SLA2: variants seen among roughly 807,000 people sequenced by gnomAD.
The protein encoded by SLA2 is Src like adaptor 2.
In SLA2, 22 loss-of-function variants were observed where a neutral mutation model predicts 27.3. That is an observed-to-expected ratio of 0.81 (90% CI 0.58 to 1.15). The LOEUF (loss-of-function observed/expected upper bound fraction) is 1.15. Among genes scored for constraint, SLA2 ranks in the 50% most tolerant of loss-of-function variants. The probability of loss-of-function intolerance (pLI) is 0.00; values close to 1 mark genes in which losing one functional copy is unlikely to be tolerated. For synonymous variants in SLA2, 131 were observed against 137.8 expected, an observed-to-expected ratio of 0.95 and a Z score of 0.34; for missense variants, 304 against 322.2, an observed-to-expected ratio of 0.94 and a Z score of 0.43.
chr20:36,639,092 C>T (rs1489793620), intron 2 of SLA2, among the ~76,000 whole-genome samples: 2 of 152,038 alleles, frequency 1.3e-5, no homozygotes, highest in Admixed American at 1.3e-4. Flanking sequence ...GTGATCTGCC[C>T]GCCTCGGCCT....
chr20:36,630,422 A>G (rs1286403089), intron 5 of SLA2, among the ~76,000 whole-genome samples: 1 of 152,164 alleles, frequency 6.6e-6, no homozygotes. Flanking sequence ...GGTTCATATC[A>G]AGGCGGGCGC....
rs36100264 is a variant in SLA2, at chr20:36,637,624, CTTTTTTTTTTT to C, written c.92-3046_92-3036del. On this transcript the variant is annotated intron_variant, in intron 2 of 7. Coordinates refer to ENST00000262866, the MANE Select transcript of SLA2 (RefSeq NM_032214.4). The stretch of plus-strand genomic sequence containing the variant: ...ATAGGCTCATATTCTGTGAAGTTTG[CTTTTTTTTTTT>C]TTTTTTTTTTTGAGACAGTCCTGCT... 6.5e-4 allele frequency among the ~76,000 whole-genome samples: 53 copies of C among 80,970 alleles called. No homozygotes were observed. In the East Asian group the frequency reaches 0.021, roughly 32 times the overall value. 53.1% of individuals were successfully genotyped at this position (80,970 alleles called of 152,430 possible). A position where few individuals can be genotyped will look rare whatever the true frequency, so the allele number is the denominator to read the frequency against.
Position 36,634,427 on chromosome 20 carries a change from G to A in SLA2, c.191+63C>T, listed in dbSNP as rs1191820959. 13 of 1,263,660 alleles carry A rather than the reference G, an allele frequency of 1.0e-5. No homozygotes were observed. The South Asian group carries it at 1.2e-4, about 12-fold the overall frequency. 78.3% of individuals were successfully genotyped at this position (1,263,660 alleles called of 1,614,324 possible). A position where few individuals can be genotyped will look rare whatever the true frequency, so the allele number is the denominator to read the frequency against. On this transcript the variant is annotated intron_variant, in intron 3 of 7. Transcript: ENST00000262866. ...GCCTCCCAGACAGCTAGCGCTACAG[G>A]CACACACCACCATGCCTGGCTCTAT... is the stretch of plus-strand genomic sequence containing the variant.
chr20:36,625,726 C>G (rs1413279615), intron 5 of SLA2, among the ~76,000 whole-genome samples: 1 of 150,976 alleles, frequency 6.6e-6, no homozygotes, highest in Admixed American at 6.6e-5. Flanking sequence ...ACTCAAGAAG[C>G]TGAGGTGGGA....
chr20:36,638,201 T>A (rs568546162), intron 2 of SLA2, among the ~76,000 whole-genome samples: 2 of 152,158 alleles, frequency 1.3e-5, no homozygotes, highest in South Asian at 2.1e-4. Context: ...GCTTTTTTTT[T>A]AGTCAGCTCT....
chr20:36,614,591 A>C (rs1357050329), intron 6 of SLA2, 154 bp from the exon 7 acceptor site: 5 of 985,288 alleles, frequency 5.1e-6, no homozygotes, highest in Non-Finnish European at 6.0e-6. Flanking sequence ...TCATGGAGAC[A>C]GATGTAGTCA....
chr20:36,622,229 T>G (rs1319467257), intron 5 of SLA2, among the ~76,000 whole-genome samples: 1 of 144,388 alleles, frequency 6.9e-6, no homozygotes, highest in Non-Finnish European at 1.5e-5. Flanking sequence ...AAAAAAAAAT[T>G]AGCTGGGCAT....
intron 5 of SLA2, among the ~76,000 whole-genome samples, chr20:36,619,462 G>T (rs2039255616): frequency 6.6e-6 from 1 of 151,208 alleles, no homozygotes; most frequent in Non-Finnish European, 1.5e-5. Flanking sequence ...GGAGCAGGAG[G>T]TTGCAGTGAG....
intron 2 of SLA2, among the ~76,000 whole-genome samples, chr20:36,635,999 G>C (rs532695342): frequency 7.2e-5 from 11 of 152,278 alleles, no homozygotes; most frequent in African/African-American, 2.6e-4. Flanking sequence ...CCAAGTTCTA[G>C]TTGGTTACGG....
intron 5 of SLA2, chr20:36,620,440 G>T (rs531963697): frequency 8.9e-4 from 201 of 225,780 alleles, no homozygotes; most frequent in Non-Finnish European, 1.3e-3. Flanking sequence ...AGAGACCTCT[G>T]AAAAGTATGG....
intron 5 of SLA2, among the ~76,000 whole-genome samples, chr20:36,631,493 G>A (rs1233171019): frequency 6.6e-6 from 1 of 152,160 alleles, no homozygotes; most frequent in Non-Finnish European, 1.5e-5. Context: ...CTCTATTGCT[G>A]ATAGGCTCTC....
At chr20:36,636,623 A>AAAAAAAATAT (rs1387991352) in intron 2 of SLA2, among the ~76,000 whole-genome samples, 3 of 114,682 alleles carry the variant, frequency 2.6e-5, no homozygotes, top group African/African-American at 8.0e-5. Context: ...AAAAAAAAAA[A>AAAAAAAATAT]ATATATATAT....
intron 5 of SLA2, among the ~76,000 whole-genome samples, chr20:36,623,341 G>A (rs1431895907): frequency 1.3e-5 from 2 of 150,928 alleles, no homozygotes; most frequent in South Asian, 2.1e-4. Flanking sequence ...CTAAGATTGG[G>A]AACAAAGCAA....
At chr20:36,636,611 G>GAAAAAAA (rs1185102769) in intron 2 of SLA2, among the ~76,000 whole-genome samples, 16 of 73,992 alleles carry the variant, frequency 2.2e-4, no homozygotes, top group African/African-American at 6.7e-4. Flanking sequence ...ATCTCAAAAA[G>GAAAAAAA]AAAAAAAAAA....
chr20:36,627,744 G>C (rs1348581039), intron 5 of SLA2, among the ~76,000 whole-genome samples: 1 of 152,176 alleles, frequency 6.6e-6, no homozygotes, highest in Non-Finnish European at 1.5e-5. Flanking sequence ...GGCCTGACTA[G>C]AGCCTGGCCA....
intron 2 of SLA2, among the ~76,000 whole-genome samples, chr20:36,638,856 A>T (rs964871244): frequency 9.6e-4 from 146 of 151,784 alleles, no homozygotes; most frequent in Middle Eastern, 6.8e-3. Flanking sequence ...GAATTTATTT[A>T]TTTTTTTGAG....
At chr20:36,623,323 T>G (rs2039304790) in intron 5 of SLA2, among the ~76,000 whole-genome samples, 1 of 150,836 alleles carries the variant, frequency 6.6e-6, no homozygotes, top group South Asian at 2.1e-4. Flanking sequence ...AGATTGATTA[T>G]TTTCCATCTA....
At position 36,614,735 on chromosome 20, in the gene SLA2, T is replaced by A. The variant is rs75095804; in HGVS notation, c.533-298A>T. On this transcript the variant is annotated intron_variant, in intron 6 of 7. Transcript: ENST00000262866. ...AAAGCTAAGGAATGCTCAGTCTACTTCTACTCACTGTCTACTTCCACACAG... is the reference window on the plus strand; with the variant it reads ...AAAGCTAAGGAATGCTCAGTCTACTACTACTCACTGTCTACTTCCACACAG... The A allele has an allele frequency of 1.2e-3, 1,187 of 985,340 alleles. 13 individuals are homozygous for A. In the African/African-American group the frequency reaches 0.02, roughly 16 times the overall value. The allele number at this position is 985,340 out of a possible 1,614,324, so 61.0% of individuals were successfully genotyped here.
chr20:36,620,981 C>T, intron 5 of SLA2: 2 of 335,816 alleles, frequency 6.0e-6, no homozygotes, highest in South Asian at 2.9e-5. Context: ...GGCAATTTTA[C>T]AGGTTACAGA....
Sources: gnomAD v4.1 joint callset for allele counts (sites outside exome capture counted in the v4.1 genomes callset) on GRCh38, gnomAD v4.1.1 for gene constraint, MANE v1.5 for transcripts, NCBI Gene and HGNC (gene_info 2026-07-23, HGNC 2026-07-21) for gene names.